Variants in SOX6 observed in about 807,000 individuals in gnomAD.
SOX6 encodes transcription factor SOX-6.
In SOX6, 11 loss-of-function variants were observed where a neutral mutation model predicts 97.8. The observed-to-expected ratio is 0.11, with a 90% confidence interval of 0.07 to 0.19. The LOEUF (loss-of-function observed/expected upper bound fraction) is 0.19. Ranked by LOEUF, SOX6 falls within the 10% of genes least tolerant of loss-of-function variation. The pLI is 1.00. For missense variants in SOX6, 810 were observed against 1,039.5 expected (o/e 0.78, Z 3.04); for synonymous variants, 360 against 371.4 (o/e 0.97, Z 0.35).
intron 6 of SOX6, among the ~76,000 whole-genome samples, chr11:16,164,694 G>C (rs959037319): frequency 6.6e-6 from 1 of 151,878 alleles, no homozygotes; most frequent in Non-Finnish European, 1.5e-5. Flanking sequence ...GTAGTGGTGT[G>C]CACCTGTAAT....
chr11:15,994,267 G>A (rs1053227023), intron 13 of SOX6, among the ~76,000 whole-genome samples: 4 of 152,058 alleles, frequency 2.6e-5, no homozygotes, highest in South Asian at 2.1e-4. Context: ...GAGTTGAAGC[G>A]GTGCTTGAGC....
chr11:16,374,493 T>C (rs538238680), intron 1 of SOX6, among the ~76,000 whole-genome samples: 1 of 152,206 alleles, frequency 6.6e-6, no homozygotes, highest in African/African-American at 2.4e-5. Context: ...ATGCAATTGG[T>C]ATTTCAAATA....
intron 3 of SOX6, among the ~76,000 whole-genome samples, chr11:16,277,502 T>A (rs1590085461): frequency 6.6e-6 from 1 of 152,328 alleles, no homozygotes; most frequent in East Asian, 1.9e-4. Flanking sequence ...GAATCCAAGC[T>A]GACTGTAAAC....
intron 4 of SOX6, among the ~76,000 whole-genome samples, chr11:16,571,532 G>T (rs577987989): frequency 6.6e-6 from 1 of 152,264 alleles, no homozygotes; most frequent in South Asian, 2.1e-4. Context: ...CTGGGCTCAA[G>T]CAATCTTCCC....
At chr11:16,170,263 A>C (rs2134082611) in intron 6 of SOX6, among the ~76,000 whole-genome samples, 1 of 152,064 alleles carries the variant, frequency 6.6e-6, no homozygotes, top group South Asian at 2.1e-4. Flanking sequence ...TGTGTATAAA[A>C]CCCAATAAAT....
At chr11:16,643,332 G>A (rs1012862089) in intron 3 of SOX6, among the ~76,000 whole-genome samples, 3 of 152,196 alleles carry the variant, frequency 2.0e-5, no homozygotes, top group East Asian at 1.9e-4. Context: ...CTACTGGGGG[G>A]TGCCTCCCAG....
chr11:16,289,907 G>T (rs1476206490), intron 3 of SOX6, among the ~76,000 whole-genome samples: 1 of 151,972 alleles, frequency 6.6e-6, no homozygotes, highest in Non-Finnish European at 1.5e-5. Flanking sequence ...TTCAAGTATT[G>T]CTACAATGGT....
intron 1 of SOX6, among the ~76,000 whole-genome samples, chr11:16,376,737 A>T (rs1378331697): frequency 9.2e-5 from 14 of 152,152 alleles, no homozygotes; most frequent in African/African-American, 3.1e-4. Flanking sequence ...GACCCAGGAC[A>T]GATCAACTTA....
At chr11:16,630,850 C>CT (rs912841288) in intron 3 of SOX6, among the ~76,000 whole-genome samples, 38 of 152,208 alleles carry the variant, frequency 2.5e-4, no homozygotes, top group African/African-American at 7.9e-4. Flanking sequence ...CTTTCTTTGT[C>CT]TTTTTTTACT....
chr11:16,262,629 A>G (rs1853938438), intron 3 of SOX6, among the ~76,000 whole-genome samples: 1 of 152,070 alleles, frequency 6.6e-6, no homozygotes, highest in Non-Finnish European at 1.5e-5. Context: ...ATCCTTAGAG[A>G]GTGCATTTGC....
chr11:16,539,758 A>T (rs1050584679), intron 4 of SOX6, among the ~76,000 whole-genome samples: 1 of 152,184 alleles, frequency 6.6e-6, no homozygotes, highest in African/African-American at 2.4e-5. Context: ...ACGCCCTCCT[A>T]ACACTAAACC....
intron 6 of SOX6, among the ~76,000 whole-genome samples, chr11:16,177,689 G>A (rs567301832): frequency 6.7e-6 from 1 of 149,598 alleles, no homozygotes; most frequent in East Asian, 2.0e-4. Context: ...CATACTAGAA[G>A]AGTATTAAAG....
intron 3 of SOX6, among the ~76,000 whole-genome samples, chr11:16,282,432 A>C (rs1854593213): frequency 6.6e-6 from 1 of 151,622 alleles, no homozygotes; most frequent in Admixed American, 6.6e-5. Context: ...AAGTTTAATT[A>C]TTGGAACATT....
chr11:16,126,750 TCTAA>T (rs1347722543), intron 6 of SOX6, among the ~76,000 whole-genome samples: 5 of 152,102 alleles, frequency 3.3e-5, no homozygotes, highest in Non-Finnish European at 7.4e-5. Flanking sequence ...GGCACAAAGC[TCTAA>T]CTGTCTAAAG....
intron 4 of SOX6, among the ~76,000 whole-genome samples, chr11:16,518,770 T>G (rs777104872): frequency 2.2e-4 from 34 of 152,138 alleles, no homozygotes; most frequent in Non-Finnish European, 4.6e-4. Flanking sequence ...GCAACTATTT[T>G]CAACACAAAA....
intron 1 of SOX6, among the ~76,000 whole-genome samples, chr11:16,421,316 A>T (rs1485585475): frequency 6.6e-6 from 1 of 152,184 alleles, no homozygotes; most frequent in African/African-American, 2.4e-5. Flanking sequence ...GAAAAAATGA[A>T]ATAAAAAGAT....
At chr11:16,426,405 T>G (rs183913959) in intron 1 of SOX6, among the ~76,000 whole-genome samples, 1 of 147,692 alleles carries the variant, frequency 6.8e-6, no homozygotes, top group African/African-American at 2.5e-5. Flanking sequence ...ATCTTCAAAC[T>G]ATACTACAGG....
At chr11:16,371,004 TC>T (rs1205578040) in intron 1 of SOX6, among the ~76,000 whole-genome samples, 1 of 152,028 alleles carries the variant, frequency 6.6e-6, no homozygotes, top group Non-Finnish European at 1.5e-5. Flanking sequence ...TAAACATGAG[TC>T]AGATCATACC....
chr11:16,283,809 G>A (rs550809246), intron 3 of SOX6: 12 of 330,844 alleles, frequency 3.6e-5, no homozygotes, highest in East Asian at 1.0e-4. Context: ...GCTAATGTTC[G>A]ATAATTTCAG....
Sources: gnomAD v4.1 joint callset for allele counts (sites outside exome capture counted in the v4.1 genomes callset) on GRCh38, gnomAD v4.1.1 for gene constraint, MANE v1.5 for transcripts, NCBI Gene and HGNC (gene_info 2026-07-23, HGNC 2026-07-21) for gene names.